Variants in CCDC91 observed in about 807,000 individuals in gnomAD.
CCDC91 encodes the protein coiled-coil domain containing 91.
A neutral mutation model predicts 63.2 loss-of-function variants in CCDC91; 48 were observed. The ratio of observed to expected loss-of-function variants is 0.76; its 90% CI spans 0.60 to 0.97. The LOEUF (loss-of-function observed/expected upper bound fraction) is 0.97. CCDC91 is among the 50% of genes least tolerant of loss of function. CCDC91 has a pLI of 0.00. For synonymous variants in CCDC91, 167 were observed against 165.8 expected (o/e 1.01, Z -0.06); for missense variants, 500 against 494.6 (o/e 1.01, Z -0.10).
chr12:28,319,395 C>G (rs190205152), intron 6 of CCDC91: 1 of 152,030 alleles, frequency 6.6e-6, no homozygotes, highest in Admixed American at 6.6e-5. Flanking sequence ...AAGCAAACAT[C>G]TATTCTGTCA....
intron 8 of CCDC91, among the ~76,000 whole-genome samples, chr12:28,394,374 G>C (rs1022416439): frequency 1.3e-5 from 2 of 151,996 alleles, no homozygotes; most frequent in African/African-American, 4.8e-5. Context: ...GCTAAGGCAG[G>C]AGAATGGCGT....
chr12:28,447,819 AGGGAGGGGAG>A (rs1565988646), intron 8 of CCDC91, among the ~76,000 whole-genome samples: 1 of 3,338 alleles, frequency 3.0e-4, no homozygotes, highest in African/African-American at 9.9e-4. Context: ...AGGGAGGGGA[AGGGAGGGGAG>A]GGGAGGGAAG....
chr12:28,328,792 C>T (rs1022442169), intron 6 of CCDC91, among the ~76,000 whole-genome samples: 2 of 151,252 alleles, frequency 1.3e-5, no homozygotes, highest in African/African-American at 4.9e-5. Context: ...TAAACAGATG[C>T]GATTTTTTTT....
intron 8 of CCDC91, among the ~76,000 whole-genome samples, chr12:28,414,881 A>T (rs1433889072): frequency 1.3e-5 from 2 of 152,158 alleles, no homozygotes; most frequent in African/African-American, 2.4e-5. Flanking sequence ...CACAAATGAG[A>T]TACTCCATAG....
At chr12:28,208,114 G>A (rs964497500) in intron 1 of CCDC91, among the ~76,000 whole-genome samples, 2 of 152,134 alleles carry the variant, frequency 1.3e-5, no homozygotes, top group Non-Finnish European at 2.9e-5. Context: ...TGATTCTAAA[G>A]CTATTAGAAA....
At chr12:28,209,982 T>C (rs2135503125) in intron 1 of CCDC91, among the ~76,000 whole-genome samples, 1 of 152,362 alleles carries the variant, frequency 6.6e-6, no homozygotes, top group African/African-American at 2.4e-5. Flanking sequence ...TCATTAATCC[T>C]TTCATAACTT....
At chr12:28,270,892 C>G (rs961445670) in intron 3 of CCDC91, among the ~76,000 whole-genome samples, 4 of 152,196 alleles carry the variant, frequency 2.6e-5, no homozygotes, top group Non-Finnish European at 4.4e-5. Flanking sequence ...TATTGTATAT[C>G]AAGCACAGGT....
intron 8 of CCDC91, among the ~76,000 whole-genome samples, chr12:28,441,506 T>C (rs1345656869): frequency 2.0e-5 from 3 of 151,956 alleles, no homozygotes; most frequent in Admixed American, 6.6e-5. Context: ...GGAATGCTGC[T>C]TAGTAATAAA....
chr12:28,407,945 T>A (rs1422863871), intron 8 of CCDC91, among the ~76,000 whole-genome samples: 1 of 31,432 alleles, frequency 3.2e-5, no homozygotes, highest in African/African-American at 4.4e-5. Context: ...TATACATAGA[T>A]ATATACATAT....
At chr12:28,397,815 A>T (rs1269283854) in intron 8 of CCDC91, among the ~76,000 whole-genome samples, 2 of 152,174 alleles carry the variant, frequency 1.3e-5, no homozygotes, top group Non-Finnish European at 2.9e-5. Context: ...AGATAGAGAC[A>T]CTATCTGTAT....
chr12:28,328,180 A>T (rs1447238577), intron 6 of CCDC91, among the ~76,000 whole-genome samples: 5 of 152,162 alleles, frequency 3.3e-5, no homozygotes, highest in Admixed American at 2.6e-4. Context: ...TTACATTATT[A>T]TCTAGAGAAA....
intron 12 of CCDC91, among the ~76,000 whole-genome samples, chr12:28,506,975 T>C (rs2141228514): frequency 6.6e-6 from 1 of 152,008 alleles, no homozygotes; most frequent in South Asian, 2.1e-4. Flanking sequence ...GCTTTGGGAA[T>C]AAAAGTTGTG....
At chr12:28,421,582 T>C (rs1364009046) in intron 8 of CCDC91, among the ~76,000 whole-genome samples, 1 of 151,742 alleles carries the variant, frequency 6.6e-6, no homozygotes, top group African/African-American at 2.4e-5. Context: ...TATGGCTGCA[T>C]AGTATTCCAT....
At chr12:28,485,278 C>A (rs1473437092) in intron 12 of CCDC91, among the ~76,000 whole-genome samples, 1 of 151,938 alleles carries the variant, frequency 6.6e-6, no homozygotes. Context: ...TCTGCCCCAG[C>A]CTCCTGAGTA....
intron 3 of CCDC91, among the ~76,000 whole-genome samples, chr12:28,266,250 A>G (rs1298566376): frequency 2.0e-5 from 3 of 151,980 alleles, no homozygotes; most frequent in Non-Finnish European, 2.9e-5. Context: ...TAGGTTTATT[A>G]TAGTGTGGAT....
intron 12 of CCDC91, among the ~76,000 whole-genome samples, chr12:28,543,724 C>T (rs1303067244): frequency 1.3e-5 from 2 of 152,032 alleles, no homozygotes; most frequent in African/African-American, 4.8e-5. Flanking sequence ...CTATATCTGA[C>T]ATCTCCAACA....
chr12:28,528,409 T>C (rs1941458888), intron 12 of CCDC91, among the ~76,000 whole-genome samples: 1 of 152,166 alleles, frequency 6.6e-6, no homozygotes, highest in African/African-American at 2.4e-5. Flanking sequence ...TTCCCCAGTG[T>C]GGGGGTGTAT....
At chr12:28,406,529 C>T (rs551043689) in intron 8 of CCDC91, among the ~76,000 whole-genome samples, 1 of 152,218 alleles carries the variant, frequency 6.6e-6, no homozygotes, top group Non-Finnish European at 1.5e-5. Context: ...ATAAACCCTT[C>T]ATCAGTATGT....
chr12:28,304,868 T>C (rs1279926630), intron 3 of CCDC91, among the ~76,000 whole-genome samples: 2 of 152,166 alleles, frequency 1.3e-5, no homozygotes, highest in Non-Finnish European at 2.9e-5. Context: ...TTATCTTGCT[T>C]ATATCCGTAC....
Sources: gnomAD v4.1 joint callset for allele counts (sites outside exome capture counted in the v4.1 genomes callset) on GRCh38, gnomAD v4.1.1 for gene constraint, MANE v1.5 for transcripts, NCBI Gene and HGNC (gene_info 2026-07-23, HGNC 2026-07-21) for gene names.